SHROOM4: variants seen among roughly 807,000 people sequenced by gnomAD.
SHROOM4 encodes the protein protein Shroom4.
A neutral mutation model predicts 80.3 loss-of-function variants in SHROOM4; 17 were observed. That is an observed-to-expected ratio of 0.21 (90% CI 0.14 to 0.32). SHROOM4 has a LOEUF of 0.32. Among genes scored for constraint, SHROOM4 ranks in the 10% least tolerant of loss-of-function variants. The pLI is 1.00. For missense variants in SHROOM4, 993 were observed against 1,140.3 expected, an observed-to-expected ratio of 0.87 and a Z score of 1.86; for synonymous variants, 400 against 437.5, an observed-to-expected ratio of 0.91 and a Z score of 1.07.
chrX:50,652,044 C>T (rs1030141413), intron 2 of SHROOM4, among the ~76,000 whole-genome samples: 5 of 111,823 alleles, frequency 4.5e-5, no homozygotes, highest in Non-Finnish European at 9.4e-5. Flanking sequence ...AATAAACATA[C>T]GTGTACATGT....
At chrX:50,728,967 A>C (rs1002778710) in intron 1 of SHROOM4, among the ~76,000 whole-genome samples, 1 of 110,271 alleles carries the variant, frequency 9.1e-6, no homozygotes, top group African/African-American at 3.3e-5. Context: ...AAGTCAAAAA[A>C]TAAACAGACA....
Position 50,647,934 on chromosome X carries a change from T to C in SHROOM4, c.270-9626A>G, listed in dbSNP as rs141658665. 2.8e-3 allele frequency among the ~76,000 whole-genome samples: 312 copies of C among 112,264 alleles called. 2 individuals carry two copies. Among genetic ancestry groups the C allele is most frequent in the African/African-American group, 8.8e-3 (273 of 30,896 alleles). On this transcript the variant is annotated intron_variant, in intron 2 of 8. Coordinates refer to ENST00000376020, the MANE Select transcript of SHROOM4 (RefSeq NM_020717.5). ...GAGCAAGGTGGACTGCAGTGGGAGA[T>C]GATACTGGGGAGGTGCATAGGCCAG...
downstream of SHROOM4, among the ~76,000 whole-genome samples, chrX:50,583,049 A>AT (rs536830275): frequency 4.4e-4 from 48 of 108,360 alleles, 2 homozygotes; most frequent in South Asian, 0.017. Flanking sequence ...AACATAAGAG[A>AT]TTTTCTCCCT....
At chrX:50,762,866 C>T (rs1023786480) in intron 1 of SHROOM4, among the ~76,000 whole-genome samples, 1 of 111,617 alleles carries the variant, frequency 9.0e-6, no homozygotes, top group African/African-American at 3.3e-5. Flanking sequence ...CTGTAATATA[C>T]TTAGGTGTAT....
At chrX:50,694,543 ATTTTTT>A (rs782530547) in intron 2 of SHROOM4, among the ~76,000 whole-genome samples, 2 of 12,494 alleles carry the variant, frequency 1.6e-4, no homozygotes, top group Admixed American at 4.3e-3. Context: ...TTTAAGTTGG[ATTTTTT>A]TTTTTTTTTT....
At chrX:50,689,885 A>C (rs1307545067) in intron 2 of SHROOM4, among the ~76,000 whole-genome samples, 2 of 112,193 alleles carry the variant, frequency 1.8e-5, no homozygotes, top group Non-Finnish European at 3.8e-5. Flanking sequence ...CTAAATTCAC[A>C]AATTGGATAG....
chrX:50,793,183 C>T (rs1259528234), intron 1 of SHROOM4, among the ~76,000 whole-genome samples: 1 of 109,940 alleles, frequency 9.1e-6, no homozygotes, highest in Non-Finnish European at 1.9e-5. Context: ...ATAAGCTGGT[C>T]ACAGAAGGAC....
chrX:50,638,994 G>A (rs1256225063), intron 2 of SHROOM4, among the ~76,000 whole-genome samples: 2 of 112,675 alleles, frequency 1.8e-5, no homozygotes, highest in African/African-American at 3.2e-5. Context: ...CCCAACTCCT[G>A]TGAGGGAAGA....
intron 2 of SHROOM4, among the ~76,000 whole-genome samples, chrX:50,656,628 G>C (rs1206390368): frequency 9.1e-6 from 1 of 110,456 alleles, no homozygotes; most frequent in Non-Finnish European, 1.9e-5. Flanking sequence ...TTTTATGCCA[G>C]TACCATACTG....
chrX:50,630,450 C>T (rs1557253934), intron 4 of SHROOM4, among the ~76,000 whole-genome samples: 1 of 111,701 alleles, frequency 9.0e-6, no homozygotes, highest in African/African-American at 3.3e-5. Context: ...TGTTACTACC[C>T]CCATGCTTTT....
At chrX:50,791,419 G>T (rs1310455180) in intron 1 of SHROOM4, among the ~76,000 whole-genome samples, 1 of 107,744 alleles carries the variant, frequency 9.3e-6, no homozygotes, top group Admixed American at 1.0e-4. Context: ...AATCTTAATG[G>T]CATTTTTTTT....
intron 5 of SHROOM4, among the ~76,000 whole-genome samples, chrX:50,623,064 G>C (rs1557252269): frequency 8.9e-6 from 1 of 112,163 alleles, no homozygotes; most frequent in African/African-American, 3.2e-5. Flanking sequence ...TACTGAGGTT[G>C]CTGGGCCTGG....
chrX:50,747,282 C>T (rs958818824), intron 1 of SHROOM4, among the ~76,000 whole-genome samples: 4 of 111,910 alleles, frequency 3.6e-5, no homozygotes, highest in Non-Finnish European at 7.5e-5. Context: ...CCACCTGGGA[C>T]CCTGTATTTT....
intron 1 of SHROOM4, among the ~76,000 whole-genome samples, chrX:50,809,334 C>G (rs1303003468): frequency 8.9e-6 from 1 of 112,322 alleles, no homozygotes; most frequent in East Asian, 2.8e-4. Flanking sequence ...CAACCTCTAT[C>G]TGAGTTTATC....
chrX:50,725,128 G>A (rs576967025), intron 1 of SHROOM4, among the ~76,000 whole-genome samples: 12 of 112,219 alleles, frequency 1.1e-4, no homozygotes, highest in African/African-American at 3.9e-4. Flanking sequence ...GCTAAGAAAA[G>A]AGGAAGGCTC....
intron 1 of SHROOM4, among the ~76,000 whole-genome samples, chrX:50,756,048 G>A (rs1557268367): frequency 1.8e-5 from 2 of 111,126 alleles, no homozygotes; most frequent in African/African-American, 3.3e-5. Flanking sequence ...AAAATATAAT[G>A]AATTTTAGCA....
chrX:50,669,201 C>T (rs1366380027), intron 2 of SHROOM4, among the ~76,000 whole-genome samples: 1 of 111,911 alleles, frequency 8.9e-6, no homozygotes, highest in Non-Finnish European at 1.9e-5. Context: ...TAAAATAAGA[C>T]AACAACAAAG....
chrX:50,691,184 C>T (rs1011952007), intron 2 of SHROOM4, among the ~76,000 whole-genome samples: 2 of 111,130 alleles, frequency 1.8e-5, no homozygotes, highest in Admixed American at 9.6e-5. Flanking sequence ...AAGTTTCTAT[C>T]ACTTTTTGTA....
intron 1 of SHROOM4, among the ~76,000 whole-genome samples, chrX:50,805,573 T>C (rs1359590600): frequency 1.8e-5 from 2 of 111,730 alleles, no homozygotes; most frequent in Non-Finnish European, 3.8e-5. Flanking sequence ...CAGCCACTTC[T>C]AGAAAGATAG....
Sources: allele counts gnomAD v4.1 joint callset (sites outside exome capture counted in the v4.1 genomes callset), GRCh38; gene constraint gnomAD v4.1.1; transcripts MANE v1.5; gene names NCBI Gene and HGNC (gene_info 2026-07-23, HGNC 2026-07-21).